MYO5B: variants seen among roughly 807,000 people sequenced by gnomAD.
The protein encoded by MYO5B is unconventional myosin-Vb.
In MYO5B, 143 loss-of-function variants were observed where a neutral mutation model predicts 229.3. The observed-to-expected ratio is 0.62, with a 90% CI of 0.54 to 0.72. The LOEUF is 0.72. Among genes scored for constraint, MYO5B ranks in the 30% least tolerant of loss-of-function variants. The pLI, the probability that MYO5B is intolerant of heterozygous loss-of-function variation, is 0.00. For synonymous variants in MYO5B, 918 were observed against 885.2 expected, an observed-to-expected ratio of 1.04 and a Z score of -0.66; for missense variants, 2,321 against 2,331.0, an observed-to-expected ratio of 1.00 and a Z score of 0.09.
At chr18:50,091,090 G>A (rs560834603) in intron 1 of MYO5B, among the ~76,000 whole-genome samples, 30 of 152,310 alleles carry the variant, frequency 2.0e-4, no homozygotes, top group African/African-American at 7.2e-4. Context: ...GTTAGTGGAG[G>A]CCCCACCTGA....
chr18:50,161,501 G>A (rs1383361380), intron 1 of MYO5B, among the ~76,000 whole-genome samples: 3 of 151,614 alleles, frequency 2.0e-5, no homozygotes, highest in African/African-American at 4.9e-5. Flanking sequence ...TAGAGGAAAT[G>A]GGCAGAAAGG....
chr18:50,001,111 C>T, intron 5 of MYO5B, 144 bp downstream of exon 5: 1 of 1,032,314 alleles, frequency 9.7e-7, no homozygotes, highest in Non-Finnish European at 1.5e-6. Context: ...GTTTTAGAGG[C>T]AGCTTGGTAA....
At chr18:49,844,713 C>A (rs990639346) in intron 33 of MYO5B, among the ~76,000 whole-genome samples, 2 of 152,214 alleles carry the variant, frequency 1.3e-5, no homozygotes, top group Non-Finnish European at 2.9e-5. Flanking sequence ...GTCATTTATC[C>A]AGGAAAATGT....
At chr18:49,905,878 G>T (rs2144149477) in intron 19 of MYO5B, among the ~76,000 whole-genome samples, 1 of 152,282 alleles carries the variant, frequency 6.6e-6, no homozygotes, top group South Asian at 2.1e-4. Flanking sequence ...GGGGCAGGCA[G>T]GGGAGGCTGA....
intron 12 of MYO5B, among the ~76,000 whole-genome samples, chr18:49,961,317 G>A (rs937782610): frequency 1.3e-5 from 2 of 152,112 alleles, no homozygotes; most frequent in Non-Finnish European, 2.9e-5. Flanking sequence ...CACATCTCTA[G>A]TGAAATGCTA....
rs5824818 is a variant in MYO5B at position 50,018,290 on chromosome 18, A to AT, written c.456-16880dup. On this transcript the variant is annotated intron_variant, in intron 4 of 39. Coordinates refer to ENST00000285039, the MANE Select transcript of MYO5B (RefSeq NM_001080467.3). The stretch of plus-strand genomic sequence containing the variant: ...CTTTTGCTTGCTCATACATATACCC[A>AT]TTTTTTTTTTTGCTTGATGATACAG... 4.2e-3 allele frequency among the ~76,000 whole-genome samples: 615 copies of AT among 146,680 alleles called. 6 individuals carry two copies. Among genetic ancestry groups the AT allele is most frequent in the African/African-American group, 0.015 (583 of 40,086 alleles).
In MYO5B at chr18:50,052,295, G is replaced by A. The variant is rs1218063269; in HGVS notation, c.138+2973C>T. 3.3e-5 allele frequency among the ~76,000 whole-genome samples: 5 copies of A among 151,202 alleles called. No individual in the cohort carries two copies. In the East Asian group the frequency reaches 7.7e-4, roughly 23 times the overall value. ...GCACTATTCACAATAGCAAAGACTT[G>A]GAACCAACCCAAATGTCCAACAATG... On this transcript the variant is annotated intron_variant, in intron 2 of 39. Transcript: ENST00000285039.
intron 34 of MYO5B, among the ~76,000 whole-genome samples, chr18:49,841,810 G>A (rs1197205127): frequency 6.6e-6 from 1 of 152,222 alleles, no homozygotes; most frequent in Non-Finnish European, 1.5e-5. Context: ...AACCGCCTGG[G>A]CTAGCTGGCT....
intron 1 of MYO5B, chr18:50,126,559 A>G (rs1451956354): frequency 6.5e-6 from 1 of 154,878 alleles, no homozygotes; most frequent in Non-Finnish European, 1.5e-5. Flanking sequence ...CAAACCCCAC[A>G]TGTCACTCTG....
intron 4 of MYO5B, among the ~76,000 whole-genome samples, chr18:50,017,030 A>G (rs772884346): frequency 2.3e-4 from 35 of 151,034 alleles, no homozygotes; most frequent in Admixed American, 7.3e-4. Flanking sequence ...TTCTGTACCT[A>G]CAGATTTTCC....
At chr18:50,109,054 G>A (rs2031815406) in intron 1 of MYO5B, among the ~76,000 whole-genome samples, 1 of 152,208 alleles carries the variant, frequency 6.6e-6, no homozygotes. Context: ...ACTGAAAATT[G>A]GCACTGAGTG....
rs751061033 is a variant in MYO5B, at chr18:49,824,098, TAA to T, written c.*2371_*2372del. ...AATGCAGAGTTCAAACCTGAATTGTTAAAGAGTCATTACTGATTTCATGACAC... is the reference window on the plus strand; with the variant it reads ...AATGCAGAGTTCAAACCTGAATTGTTAGAGTCATTACTGATTTCATGACAC... On this transcript the variant is annotated 3_prime_UTR_variant, in exon 40 of 40. Coordinates refer to ENST00000285039, the MANE Select transcript of MYO5B (RefSeq NM_001080467.3). The T allele has an allele frequency of 5.9e-5, 9 of 152,596 alleles. No homozygotes were observed. The highest frequency in any genetic ancestry group is 7.3e-5 in the Non-Finnish European group (5 of 68,038). 9.5% of individuals were successfully genotyped at this position (152,596 alleles called of 1,614,324 possible).
intron 4 of MYO5B, among the ~76,000 whole-genome samples, chr18:50,010,342 C>T (rs1240662433): frequency 6.6e-6 from 1 of 152,184 alleles, no homozygotes; most frequent in Non-Finnish European, 1.5e-5. Context: ...GTCTCCATCT[C>T]AGATGAGATA....
intron 10 of MYO5B, among the ~76,000 whole-genome samples, chr18:49,968,564 G>A (rs969613043): frequency 3.3e-5 from 5 of 152,140 alleles, no homozygotes; most frequent in East Asian, 1.9e-4. Context: ...GCTAAATCAC[G>A]GAGGTTTGGG....
intron 17 of MYO5B, among the ~76,000 whole-genome samples, chr18:49,921,268 T>G (rs4939919): frequency 0.04 from 5,985 of 150,238 alleles, 303 homozygotes; most frequent in East Asian, 0.12. Flanking sequence ...TTTTTTTTTT[T>G]TTTTTTTTTT....
chr18:49,853,341 G>A, intron 31 of MYO5B, 108 bp downstream of exon 31: 2 of 1,104,736 alleles, frequency 1.8e-6, no homozygotes, highest in Non-Finnish European at 2.7e-6. Flanking sequence ...TCCTACTATA[G>A]GGCCAAGGGT....
chr18:49,939,366 G>C (rs184970795), intron 14 of MYO5B, among the ~76,000 whole-genome samples: 1,536 of 152,008 alleles, frequency 0.01, 14 homozygotes, highest in Non-Finnish European at 0.015. Context: ...GGATGGTCTC[G>C]ATCTCTTGAC....
intron 14 of MYO5B, among the ~76,000 whole-genome samples, chr18:49,951,946 T>C (rs2025435365): frequency 6.6e-6 from 1 of 152,158 alleles, no homozygotes; most frequent in Non-Finnish European, 1.5e-5. Context: ...TCTAAAAACT[T>C]AGGGAGCTGC....
intron 4 of MYO5B, among the ~76,000 whole-genome samples, chr18:50,033,518 C>A (rs4347717): frequency 6.6e-6 from 1 of 152,120 alleles, no homozygotes; most frequent in African/African-American, 2.4e-5. Context: ...CTTACATTTC[C>A]TAGTGGCCAG....
Sources: allele counts gnomAD v4.1 joint callset (sites outside exome capture counted in the v4.1 genomes callset), GRCh38; gene constraint gnomAD v4.1.1; transcripts MANE v1.5; gene names NCBI Gene and HGNC (gene_info 2026-07-23, HGNC 2026-07-21).